Variants in ZSCAN18 observed in about 807,000 individuals in gnomAD.
The protein encoded by ZSCAN18 is zinc finger and SCAN domain-containing protein 18.
In ZSCAN18, 16 loss-of-function variants were observed where a neutral mutation model predicts 31.1. That is an observed-to-expected ratio of 0.51 (90% CI 0.35 to 0.78). The LOEUF (loss-of-function observed/expected upper bound fraction) is 0.78, where lower values mean the gene tolerates loss of function less well. ZSCAN18 is among the 30% of genes least tolerant of loss of function. The pLI is 0.01. For synonymous variants in ZSCAN18, 375 were observed against 320.7 expected, an observed-to-expected ratio of 1.17 and a Z score of -1.81; for missense variants, 731 against 697.4, an observed-to-expected ratio of 1.05 and a Z score of -0.54.
At chr19:58,086,612 G>A (rs1442463686) in intron 5 of ZSCAN18, 1 of 494,976 alleles carries the variant, frequency 2.0e-6, no homozygotes, top group African/African-American at 2.0e-5. Context: ...AGGCCATGCA[G>A]GTGAGGCCCT....
Position 58,084,942 on chromosome 19 carries a change from A to G in ZSCAN18, c.1276T>C (p.Ser426Pro), listed in dbSNP as rs749755789. The G allele has an allele frequency of 6.3e-7, 1 of 1,598,026 alleles. No individual in the cohort carries two copies. Among genetic ancestry groups the G allele is most frequent in the Non-Finnish European group, 8.5e-7 (1 of 1,174,566 alleles). Residue 426 changes from serine (S) to proline (P), a missense_variant, in exon 7 of 7, where the codon TCG (serine) becomes CCG (proline). Ser to Pro is a moderately conservative substitution (Grantham distance 74). Around this residue, in one of 4 missense-constraint regions of ZSCAN18, gnomAD observed 597 missense variants for 499.5 expected, o/e 1.20. Coordinates refer to ENST00000601144, the MANE Select transcript of ZSCAN18 (RefSeq NM_001145543.2). This position sits in a 1 kb window ranked among gnomAD's most constrained non-coding sequence, Gnocchi z 4.5. ...GECGEAFAWL[S>P]HLMEHHSSHG... ...CTGCTGTGGTGCTCCATCAGGTGCG[A>G]GAGCCACGCGAAGGCCTCCCCGCAC... is the stretch of plus-strand genomic sequence containing the variant.
upstream of ZSCAN18, among the ~76,000 whole-genome samples, chr19:58,099,577 G>A (rs533710731): frequency 1.3e-5 from 2 of 152,052 alleles, no homozygotes; most frequent in African/African-American, 2.4e-5. Context: ...TTCTGTGAAC[G>A]TAAGTTTTCA....
At position 58,083,857 on chromosome 19, in the gene ZSCAN18, TTA is replaced by T. The variant is rs1449292376; in HGVS notation, c.*826_*827del. The stretch of plus-strand genomic sequence containing the variant: ...GATCACCTTATGTAGCCCAAGGAGT[TTA>T]GTCTCCTTTGCTCAGACAGACAGAT... On this transcript the variant is annotated 3_prime_UTR_variant, in exon 7 of 7. Coordinates refer to ENST00000601144, the MANE Select transcript of ZSCAN18 (RefSeq NM_001145543.2). 1 of 152,344 alleles carries T rather than the reference TTA, an allele frequency of 6.6e-6. No homozygotes were observed. The highest frequency in any genetic ancestry group is 1.9e-4 in the East Asian group (1 of 5,188). 9.4% of individuals were successfully genotyped at this position (152,344 alleles called of 1,614,324 possible).
At chr19:58,096,047 T>C (rs7249262) in intron 1 of ZSCAN18, among the ~76,000 whole-genome samples, 6,076 of 152,236 alleles carry the variant, frequency 0.04, 429 homozygotes, top group African/African-American at 0.14. Context: ...GCCCCATTCC[T>C]GGCCACACTG....
chr19:58,090,414 C>T lies in ZSCAN18; in HGVS notation c.-119-28G>A. On this transcript the variant is annotated intron_variant, in intron 1 of 6. Coordinates refer to ENST00000601144, the MANE Select transcript of ZSCAN18 (RefSeq NM_001145543.2). This position sits in a 1 kb window ranked among gnomAD's most constrained non-coding sequence, Gnocchi z 4.7. ...GCAGAGGACACGGACAAGGCAATGG[C>T]CTTGCATAAGGCCAGGGCGCAGCCA... The T allele has an allele frequency of 6.7e-7, 1 of 1,486,574 alleles. No individual in the cohort carries two copies. The highest frequency in any genetic ancestry group is 1.8e-4 in the Middle Eastern group (1 of 5,602). The allele number at this position is 1,486,574 out of a possible 1,614,324, so 92.1% of individuals were successfully genotyped here.
At position 58,087,082 on chromosome 19, in the gene ZSCAN18, C is replaced by T; in HGVS notation, c.643-74G>A. 2.3e-6 allele frequency: 3 copies of T among 1,330,956 alleles called. No individual in the cohort carries two copies. The South Asian group carries it at 3.8e-5, about 17-fold the overall frequency. 82.4% of individuals were successfully genotyped at this position (1,330,956 alleles called of 1,614,324 possible). A position where few individuals can be genotyped will look rare whatever the true frequency, so the allele number is the denominator to read the frequency against. On this transcript the variant is annotated intron_variant, in intron 4 of 6. Transcript: ENST00000601144. ...AGGACCCGCCGCAGCCCCACAGCCA[C>T]AGGAGCAGGCTAGGAGCCAGCCCTG...
At chr19:58,100,075 C>A (rs1164408628), upstream of ZSCAN18, among the ~76,000 whole-genome samples, 1 of 151,306 alleles carries the variant, frequency 6.6e-6, no homozygotes, top group Non-Finnish European at 1.5e-5. Flanking sequence ...ATCCTCACCT[C>A]AGCCTCCCGA....
chr19:58,097,376 G>A (rs2074538888), intron 1 of ZSCAN18, among the ~76,000 whole-genome samples: 1 of 151,654 alleles, frequency 6.6e-6, no homozygotes, highest in South Asian at 2.1e-4. Context: ...GTGATGGGAG[G>A]GTGAGTCAGG....
chr19:58,103,184 G>T (rs1407609693), upstream of ZSCAN18, among the ~76,000 whole-genome samples: 1 of 112,544 alleles, frequency 8.9e-6, no homozygotes, highest in Non-Finnish European at 2.1e-5. Flanking sequence ...AACCTGGTTT[G>T]TTTTCAGATG....
chr19:58,101,975 T>G (rs1347340545), upstream of ZSCAN18, among the ~76,000 whole-genome samples: 1 of 152,018 alleles, frequency 6.6e-6, no homozygotes. Flanking sequence ...CAGCCAGAGA[T>G]CACACACTTA....
intron 1 of ZSCAN18, among the ~76,000 whole-genome samples, chr19:58,091,279 A>AAAAT (rs1256804251): frequency 6.6e-6 from 1 of 151,928 alleles, no homozygotes; most frequent in Non-Finnish European, 1.5e-5. Flanking sequence ...AAAAAAAAAA[A>AAAAT]AAAAGATAGA....
upstream of ZSCAN18, among the ~76,000 whole-genome samples, chr19:58,101,194 G>A (rs527641301): frequency 2.7e-5 from 4 of 149,278 alleles, no homozygotes; most frequent in Admixed American, 2.0e-4. Flanking sequence ...GCGCAGTGGC[G>A]CGATCTCGGC....
At chr19:58,096,594 G>C (rs77335130) in intron 1 of ZSCAN18, among the ~76,000 whole-genome samples, 3,146 of 152,294 alleles carry the variant, frequency 0.021, 109 homozygotes, top group African/African-American at 0.071. Context: ...GCTCAAGCCT[G>C]GTTTGGCCCT....
chr19:58,117,933 T>TA (rs150454281), intron 1 of ZSCAN18, among the ~76,000 whole-genome samples: 3,856 of 151,988 alleles, frequency 0.025, 157 homozygotes, highest in African/African-American at 0.086. Flanking sequence ...GAGAAGGGTA[T>TA]GGGGGCCCAC....
intron 1 of ZSCAN18, among the ~76,000 whole-genome samples, chr19:58,096,311 A>T (rs190959569): frequency 6.6e-6 from 1 of 152,170 alleles, no homozygotes; most frequent in Non-Finnish European, 1.5e-5. Context: ...TGGCTTGGTC[A>T]CTGGGCAAAC....
chr19:58,105,196 TGA>T (rs1600005955), intron 1 of ZSCAN18, among the ~76,000 whole-genome samples: 1 of 152,334 alleles, frequency 6.6e-6, no homozygotes, highest in East Asian at 1.9e-4. Flanking sequence ...AACCCACTGT[TGA>T]GAGACTTCCT....
At chr19:58,109,088 G>A (rs1156541635) in intron 1 of ZSCAN18, 1 of 1,227,386 alleles carries the variant, frequency 8.1e-7, no homozygotes. Flanking sequence ...GCCCCTCATA[G>A]ATGCTCTGGG....
intron 1 of ZSCAN18, chr19:58,108,189 A>G (rs1019389400): frequency 1.7e-5 from 17 of 985,870 alleles, no homozygotes; most frequent in African/African-American, 1.4e-4. Flanking sequence ...TCTCTTTCCA[A>G]TGTGAATTCT....
chr19:58,084,764 T>A lies in ZSCAN18; in HGVS notation c.1454A>T (p.Gln485Leu). 6.4e-7 allele frequency: 1 copy of A among 1,570,388 alleles called. No individual in the cohort carries two copies. The change falls in exon 7 of 7, where the codon CAG (glutamine) becomes CTG (leucine). Residue 485 changes from glutamine to leucine, a missense_variant. Around this residue, in one of 4 missense-constraint regions of ZSCAN18, gnomAD observed 597 missense variants for 499.5 expected, o/e 1.20. Transcript: ENST00000601144. The surrounding 1 kb of genome is among the most constrained non-coding windows in gnomAD (Gnocchi z 4.5). Reference sequence around the variant, plus strand: ...GGGACCGCCCGCCCTAGCCCCCGCCTGGGCTTCGCGGGTGGACGGTTGGGG... The same window carrying A: ...GGGACCGCCCGCCCTAGCCCCCGCCAGGGCTTCGCGGGTGGACGGTTGGGG... ...RGPQPSTREA[Q>L]AGARAGGPPE...
Sources: allele counts gnomAD v4.1 joint callset (sites outside exome capture counted in the v4.1 genomes callset), GRCh38; gene constraint gnomAD v4.1.1; regional missense constraint gnomAD v4.1.1; non-coding constraint Gnocchi (gnomAD v3.1); transcripts MANE v1.5; gene names NCBI Gene and HGNC (gene_info 2026-07-23, HGNC 2026-07-21).